Variants in ZMYM6 observed in about 807,000 individuals in gnomAD.
ZMYM6 encodes zinc finger MYM-type protein 6.
A neutral mutation model predicts 134.0 loss-of-function variants in ZMYM6; 90 were observed. The observed-to-expected ratio is 0.67, with a 90% CI of 0.57 to 0.80. The LOEUF (loss-of-function observed/expected upper bound fraction) is 0.80. Ranked by LOEUF, ZMYM6 falls within the 30% of genes least tolerant of loss-of-function variation. ZMYM6 has a pLI of 0.00. For missense variants in ZMYM6, 1,362 were observed against 1,533.9 expected, an observed-to-expected ratio of 0.89 and a Z score of 1.87; for synonymous variants, 481 against 524.1, an observed-to-expected ratio of 0.92 and a Z score of 1.12.
chr1:35,001,779 T>C (rs150447648), intron 14 of ZMYM6, among the ~76,000 whole-genome samples: 1 of 152,184 alleles, frequency 6.6e-6, no homozygotes, highest in East Asian at 1.9e-4. Context: ...TAAGGAGAAA[T>C]TACTATCATC....
chr1:34,989,503 CATG>C (rs928533418), intron 15 of ZMYM6: 1 of 151,912 alleles, frequency 6.6e-6, no homozygotes, highest in Non-Finnish European at 1.5e-5. Context: ...TGCAGAGAGC[CATG>C]ATCACACCAC....
At chr1:35,010,330 C>T (rs1641063308) in intron 10 of ZMYM6, 117 bp downstream of exon 10, 1 of 1,372,170 alleles carries the variant, frequency 7.3e-7, no homozygotes. Context: ...CTCCAAAATA[C>T]TTCTAATTAC....
At position 35,015,743 on chromosome 1, in the gene ZMYM6, A is replaced by AAAAAAAATAT; in HGVS notation, c.429-582_429-581insATATTTTTTT. Among the ~76,000 whole-genome samples, 8 of 106,460 alleles carry AAAAAAAATAT rather than the reference A, an allele frequency of 7.5e-5. 1 individual carries two copies. The highest frequency in any genetic ancestry group is 4.6e-4 in the African/African-American group (7 of 15,164). 69.8% of individuals were successfully genotyped at this position (106,460 alleles called of 152,430 possible). A position where few individuals can be genotyped will look rare whatever the true frequency, so the allele number is the denominator to read the frequency against. On this transcript the variant is annotated intron_variant, in intron 4 of 15. Transcript: ENST00000357182. ...CATCTCAAAAAAAAAAAAAAAAAAA[A>AAAAAAAATAT]ATATATATATATATATATGTGGCCA...
intron 15 of ZMYM6, among the ~76,000 whole-genome samples, chr1:34,990,922 T>C (rs538394946): frequency 5.9e-5 from 9 of 152,322 alleles, no homozygotes; most frequent in African/African-American, 2.2e-4. Context: ...TGGAGCACAA[T>C]GGCGCGATCT....
At position 35,029,647 on chromosome 1, in the gene ZMYM6, A is replaced by T. The variant is rs193177446; in HGVS notation, c.93+900T>A. On this transcript the variant is annotated intron_variant, in intron 2 of 15. Transcript: ENST00000357182. ...GCTCACTGTTCCTGCAGGTCTTAAAAAGAACCATGCATCTTTCCAACTCAG... is the reference window on the plus strand; with the variant it reads ...GCTCACTGTTCCTGCAGGTCTTAAATAGAACCATGCATCTTTCCAACTCAG... 1.2e-3 allele frequency among the ~76,000 whole-genome samples: 176 copies of T among 152,260 alleles called. 1 individual carries two copies. The highest frequency in any genetic ancestry group is 1.0e-3 in the Non-Finnish European group (71 of 68,014).
At position 35,015,055 on chromosome 1, in the gene ZMYM6, T is replaced by C. The variant is rs1484952261; in HGVS notation, c.536A>G (p.Lys179Arg). 4 of 1,613,992 alleles carry C rather than the reference T, an allele frequency of 2.5e-6. No homozygotes were observed. ...TTTGGTATATATGGTAACAACAGGT[T>C]TTTTCTTTAGCTCATAAGATGACAA... is the stretch of plus-strand genomic sequence containing the variant. ...SCLSSYELKK[K>R]PVVTIYTKSI... Residue 179 changes from lysine to arginine, a missense_variant, in exon 5 of 16, where the codon AAA (lysine) becomes AGA (arginine). Coordinates refer to ENST00000357182, the MANE Select transcript of ZMYM6 (RefSeq NM_007167.4).
chr1:35,005,985 T>C (rs1007823774), intron 12 of ZMYM6, among the ~76,000 whole-genome samples: 1 of 152,164 alleles, frequency 6.6e-6, no homozygotes, highest in African/African-American at 2.4e-5. Context: ...CACTCCAGGC[T>C]TTGAACAGAG....
chr1:35,012,579 A>T lies in ZMYM6; in HGVS notation c.798T>A (p.Asn266Lys). 6.2e-7 allele frequency: 1 copy of T among 1,613,280 alleles called. No homozygotes were observed. The highest frequency in any genetic ancestry group is 8.5e-7 in the Non-Finnish European group (1 of 1,179,684). The change falls in exon 7 of 16, where the codon AAT becomes AAA. Residue 266 changes from asparagine to lysine, a missense_variant and splice_region_variant. Transcript: ENST00000357182. Reference protein sequence around the residue: ...SSTSVTAYKQNSAQIPPYALG... With the variant: ...SSTSVTAYKQKSAQIPPYALG... Reference sequence around the variant, plus strand: ...GGGCATATGGAGGAATTTGGGCAGAATTCTATTAAAATAAAATAACATTAG... The same window carrying T: ...GGGCATATGGAGGAATTTGGGCAGATTTCTATTAAAATAAAATAACATTAG...
At position 35,020,471 on chromosome 1, in the gene ZMYM6, TAAAAAAAAAAAGAAA is replaced by T. The variant is rs1641286156; in HGVS notation, c.94-19_94-5del. ...GCTGTTGGACACATCCATACTCCTT[TAAAAAAAAAAAGAAA>T]AGAGAAAAGAGCAATGAATACAATG... is the stretch of plus-strand genomic sequence containing the variant. On this transcript the variant is annotated splice_polypyrimidine_tract_variant and splice_region_variant and intron_variant, in intron 2 of 15. Transcript: ENST00000357182. The T allele has an allele frequency of 9.6e-7, 1 of 1,036,758 alleles. No individual in the cohort carries two copies. 64.2% of individuals were successfully genotyped at this position (1,036,758 alleles called of 1,614,324 possible).
intron 14 of ZMYM6, among the ~76,000 whole-genome samples, chr1:34,995,964 T>C (rs988450564): frequency 3.9e-5 from 6 of 152,186 alleles, no homozygotes; most frequent in Non-Finnish European, 1.5e-5. Flanking sequence ...AGTATTCCAT[T>C]ATTAAATGTA....
chr1:34,987,022 C>T lies in ZMYM6; in HGVS notation c.*82G>A, dbSNP rs962132906. On this transcript the variant is annotated 3_prime_UTR_variant, in exon 16 of 16. Coordinates refer to ENST00000357182, the MANE Select transcript of ZMYM6 (RefSeq NM_007167.4). ...TTTAATCACTGAAAACACAAATCCACATTAGGAAATTATCTTTTAGGATAC... is the reference window on the plus strand; with the variant it reads ...TTTAATCACTGAAAACACAAATCCATATTAGGAAATTATCTTTTAGGATAC... 3 of 1,021,912 alleles carry T rather than the reference C, an allele frequency of 2.9e-6. No homozygotes were observed. Among genetic ancestry groups the T allele is most frequent in the South Asian group, 6.6e-5 (2 of 30,210 alleles). 63.3% of individuals were successfully genotyped at this position (1,021,912 alleles called of 1,614,324 possible).
intron 4 of ZMYM6, among the ~76,000 whole-genome samples, chr1:35,015,743 A>AAAATATAT: frequency 1.9e-5 from 2 of 106,466 alleles, no homozygotes; most frequent in African/African-American, 1.3e-4. Context: ...AAAAAAAAAA[A>AAAATATAT]ATATATATAT....
In ZMYM6 at chr1:35,015,020, T is replaced by C. The variant is rs758018576; in HGVS notation, c.571A>G (p.Thr191Ala). 1.5e-5 allele frequency: 24 copies of C among 1,613,004 alleles called. No homozygotes were observed. The highest frequency in any genetic ancestry group is 1.8e-5 in the Non-Finnish European group (21 of 1,179,808). The change falls in exon 5 of 16, where the codon ACT (threonine) becomes GCT (alanine). Residue 191 changes from threonine (T) to alanine (A), a missense_variant. Thr to Ala is a moderately conservative substitution (Grantham distance 58, BLOSUM62 0). Around this residue, in one of 3 missense-constraint regions of ZMYM6, gnomAD observed 503 missense variants for 520.8 expected, o/e 0.97. Coordinates refer to ENST00000357182, the MANE Select transcript of ZMYM6 (RefSeq NM_007167.4). Reference sequence around the variant, plus strand: ...TTCTTCTGACACATACTGCACTTAGTTGAAATGCTTTTGGTATATATGGTA... The same window carrying C: ...TTCTTCTGACACATACTGCACTTAGCTGAAATGCTTTTGGTATATATGGTA... ...VVTIYTKSIS[T>A]KCSMCQKNAD...
At position 34,987,859 on chromosome 1, in the gene ZMYM6, T is replaced by C; in HGVS notation, c.3223A>G (p.Arg1075Gly). 2 of 1,551,370 alleles carry C rather than the reference T, an allele frequency of 1.3e-6. No individual in the cohort carries two copies. Among genetic ancestry groups the C allele is most frequent in the Non-Finnish European group, 1.7e-6 (2 of 1,146,896 alleles). ...PLHAEVRWISRGRMLKRLFEL... is the reference protein window; with the variant it reads ...PLHAEVRWISGGRMLKRLFEL... ...AATAATCTTTTTAACATTCTCCCTC[T>C]TGATATCCAACGTACTTCAGCATGA... Residue 1075 changes from arginine (R) to glycine (G), a missense_variant, in exon 16 of 16, where the codon AGA becomes GGA. By Grantham distance (125) the Arg-to-Gly change is moderately radical. Coordinates refer to ENST00000357182, the MANE Select transcript of ZMYM6 (RefSeq NM_007167.4).
chr1:35,031,364 T>C (rs1641521921), intron 1 of ZMYM6: 1 of 152,028 alleles, frequency 6.6e-6, no homozygotes, highest in Non-Finnish European at 1.5e-5. Context: ...CAATTGGCCA[T>C]TCAGTAAATT....
chr1:35,003,091 G>C (rs747718230), intron 14 of ZMYM6, among the ~76,000 whole-genome samples: 4 of 151,518 alleles, frequency 2.6e-5, no homozygotes, highest in Non-Finnish European at 4.4e-5. Context: ...GCTGAGGTAG[G>C]GGACTGCTTG....
At chr1:35,029,850 C>T (rs1214418679) in intron 2 of ZMYM6, among the ~76,000 whole-genome samples, 1 of 152,158 alleles carries the variant, frequency 6.6e-6, no homozygotes, top group African/African-American at 2.4e-5. Flanking sequence ...GCTTTTCTTC[C>T]AGAGTACTTG....
chr1:35,026,389 T>G lies in ZMYM6; in HGVS notation c.93+4158A>C, dbSNP rs569560291. ...AGAAAATAAAAAACATTTTTATTTA[T>G]CTCTTATTTTCCAATATTCAAAGGA... On this transcript the variant is annotated intron_variant, in intron 2 of 15. Coordinates refer to ENST00000357182, the MANE Select transcript of ZMYM6 (RefSeq NM_007167.4). Among the ~76,000 whole-genome samples, 9 of 152,340 alleles carry G rather than the reference T, an allele frequency of 5.9e-5. No homozygotes were observed. The East Asian group carries it at 7.7e-4, about 13-fold the overall frequency.
At position 34,987,853 on chromosome 1, in the gene ZMYM6, T is replaced by G. The variant is rs1640601347; in HGVS notation, c.3229A>C (p.Arg1077=). ...AATTCAAATAATCTTTTTAACATTC[T>G]CCCTCTTGATATCCAACGTACTTCA... ...HAEVRWISRG[R]MLKRLFELRH... is the part of the protein sequence containing the mutation. The change falls in exon 16 of 16, where the codon AGA becomes CGA. Residue 1077 remains arginine, a synonymous_variant. Coordinates refer to ENST00000357182, the MANE Select transcript of ZMYM6 (RefSeq NM_007167.4). The G allele has an allele frequency of 6.4e-7, 1 of 1,551,034 alleles. No individual in the cohort carries two copies. The highest frequency in any genetic ancestry group is 1.4e-5 in the African/African-American group (1 of 73,042).
Sources: gnomAD v4.1 joint callset for allele counts (sites outside exome capture counted in the v4.1 genomes callset) on GRCh38, gnomAD v4.1.1 for gene constraint, gnomAD v4.1.1 regional missense constraint, MANE v1.5 for transcripts, NCBI Gene and HGNC (gene_info 2026-07-23, HGNC 2026-07-21) for gene names.